The following ZNF714 variants were observed in gnomAD, a reference collection of about 807,000 sequenced individuals.
ZNF714 encodes zinc finger protein 714.
Under a neutral mutation model 46.2 loss-of-function variants are expected in ZNF714, and 32 were observed. The ratio of observed to expected loss-of-function variants is 0.69; its 90% CI spans 0.52 to 0.93. The LOEUF (loss-of-function observed/expected upper bound fraction) is 0.93. Ranked by LOEUF, ZNF714 falls within the 40% of genes least tolerant of loss-of-function variation. The pLI, the probability that ZNF714 is intolerant of heterozygous loss-of-function variation, is 0.00. For missense variants in ZNF714, 635 were observed against 646.3 expected (o/e 0.98, Z 0.19); for synonymous variants, 199 against 213.1 (o/e 0.93, Z 0.58).
At chr19:21,101,063 T>G in intron 4 of ZNF714, among the ~76,000 whole-genome samples, 1 of 152,324 alleles carries the variant, frequency 6.6e-6, no homozygotes, top group Admixed American at 6.5e-5. Context: ...AAGATCATAC[T>G]ATCCACAAAA....
chr19:21,114,464 G>GCAACCC (rs1969542714), intron 4 of ZNF714, among the ~76,000 whole-genome samples: 1 of 147,622 alleles, frequency 6.8e-6, no homozygotes, highest in Admixed American at 6.8e-5. Flanking sequence ...AACTATGATT[G>GCAACCC]CAACCCCTGC....
At position 21,119,004 on chromosome 19, in the gene ZNF714, A is replaced by T; in HGVS notation, c.*672A>T. ...TGTACTTGAGATAAATTATACAAAT[A>T]TAAAGACTGAAAAAGCCATTAATAT... On this transcript the variant is annotated 3_prime_UTR_variant, in exon 5 of 5. Transcript: ENST00000456283. 1 of 352,640 alleles carries T rather than the reference A, an allele frequency of 2.8e-6. No individual in the cohort carries two copies. The highest frequency in any genetic ancestry group is 5.5e-6 in the Non-Finnish European group (1 of 180,974). The allele number at this position is 352,640 out of a possible 1,614,324, so 21.8% of individuals were successfully genotyped here. A position where few individuals can be genotyped will look rare whatever the true frequency, so the allele number is the denominator to read the frequency against.
rs1373331351 is a variant in ZNF714, at chr19:21,118,263, C to T, written c.1599C>T (p.Gly533=). The T allele has an allele frequency of 1.4e-6, 2 of 1,428,628 alleles. No homozygotes were observed. Among genetic ancestry groups the T allele is most frequent in the Non-Finnish European group, 1.9e-6 (2 of 1,040,920 alleles). 88.5% of individuals were successfully genotyped at this position (1,428,628 alleles called of 1,614,324 possible). ...IARSGVQDQP[G]QHGKTPSLLK... is the part of the protein sequence containing the mutation. ...GGTCAGGAGTTCAAGACCAGCCTGG[C>T]CAACATGGTAAAACCCCATCTCTAC... is the stretch of plus-strand genomic sequence containing the variant. Residue 533 remains glycine (G), a synonymous_variant, in exon 5 of 5, where the codon GGC becomes GGT. Transcript: ENST00000456283.
chr19:21,104,640 A>C (rs1005875458), intron 4 of ZNF714, among the ~76,000 whole-genome samples: 47 of 151,772 alleles, frequency 3.1e-4, no homozygotes, highest in African/African-American at 1.1e-3. Context: ...ATTGTGATGA[A>C]GTCTTACTGT....
chr19:21,098,365 CT>C (rs558711559), intron 3 of ZNF714, 54 bp downstream of exon 3: 1 of 1,571,728 alleles, frequency 6.4e-7, no homozygotes, highest in Non-Finnish European at 8.6e-7. Flanking sequence ...TTTTATGTCT[CT>C]TTTTTTGTAG....
chr19:21,109,838 T>C (rs1969410030), intron 4 of ZNF714, among the ~76,000 whole-genome samples: 2 of 152,148 alleles, frequency 1.3e-5, no homozygotes, highest in Admixed American at 6.6e-5. Flanking sequence ...AGTGAGAACA[T>C]GTCGTGTTTG....
In ZNF714 at chr19:21,122,783, C is replaced by CA. The variant is rs1421645929; in HGVS notation, c.*4455dup. On this transcript the variant is annotated 3_prime_UTR_variant, in exon 5 of 5. Coordinates refer to ENST00000456283, the MANE Select transcript of ZNF714 (RefSeq NM_182515.4). ...CCTGGTATTTTGTAGATTTTGATGA[C>CA]AAAATTCTATTTTTAGTGCACTTAA... is the stretch of plus-strand genomic sequence containing the variant. The CA allele has an allele frequency of 3.3e-5, 5 of 152,028 alleles. 1 individual carries two copies. The highest frequency in any genetic ancestry group is 3.3e-4 in the Admixed American group (5 of 15,258). 9.4% of individuals were successfully genotyped at this position (152,028 alleles called of 1,614,324 possible). A position where few individuals can be genotyped will look rare whatever the true frequency, so the allele number is the denominator to read the frequency against.
At chr19:21,095,969 A>G (rs1969028840) in intron 2 of ZNF714, among the ~76,000 whole-genome samples, 1 of 152,154 alleles carries the variant, frequency 6.6e-6, no homozygotes, top group Non-Finnish European at 1.5e-5. Flanking sequence ...ATATGACTCT[A>G]TGGTGAGGCC....
At chr19:21,101,162 A>C (rs1013811892) in intron 4 of ZNF714, among the ~76,000 whole-genome samples, 5 of 152,200 alleles carry the variant, frequency 3.3e-5, no homozygotes, top group Non-Finnish European at 5.9e-5. Flanking sequence ...TCAGTGCTTC[A>C]TTAAAATAGA....
At chr19:21,088,785 G>A (rs1168947584) in intron 2 of ZNF714, among the ~76,000 whole-genome samples, 1 of 152,122 alleles carries the variant, frequency 6.6e-6, no homozygotes, top group African/African-American at 2.4e-5. Context: ...ACTAGCCCAC[G>A]ACCAGGAAAG....
intron 2 of ZNF714, among the ~76,000 whole-genome samples, chr19:21,085,881 T>TAA (rs34378470): frequency 0.053 from 7,718 of 145,368 alleles, 377 homozygotes; most frequent in African/African-American, 0.14. Context: ...TAGGTTTATG[T>TAA]AAAAAAAAAA....
chr19:21,105,769 A>G (rs1386028058), intron 4 of ZNF714, among the ~76,000 whole-genome samples: 2 of 152,114 alleles, frequency 1.3e-5, no homozygotes, highest in Non-Finnish European at 2.9e-5. Flanking sequence ...AGCCTGGCCA[A>G]CATGGTAAAA....
Position 21,118,036 on chromosome 19 carries a change from T to C in ZNF714, c.1372T>C (p.Cys458Arg). 6.2e-7 allele frequency: 1 copy of C among 1,613,892 alleles called. No homozygotes were observed. The highest frequency in any genetic ancestry group is 8.5e-7 in the Non-Finnish European group (1 of 1,179,992). ...AGAGAAACCCTACAAATGTGAAGAA[T>C]GTGGCAAAGCTTTCAACCGATCCTC... is the stretch of plus-strand genomic sequence containing the variant. ...TGEKPYKCEE[C>R]GKAFNRSSNL... is the part of the protein sequence containing the mutation. Residue 458 changes from cysteine (C) to arginine (R), a missense_variant, in exon 5 of 5, where the codon TGT (cysteine) becomes CGT (arginine). Coordinates refer to ENST00000456283, the MANE Select transcript of ZNF714 (RefSeq NM_182515.4).
chr19:21,094,499 T>A (rs1157365787), intron 2 of ZNF714, among the ~76,000 whole-genome samples: 1 of 152,188 alleles, frequency 6.6e-6, no homozygotes, highest in African/African-American at 2.4e-5. Context: ...TGTATAAACA[T>A]TCCATTTTCT....
intron 4 of ZNF714, among the ~76,000 whole-genome samples, chr19:21,107,920 G>A (rs1969360882): frequency 6.6e-6 from 1 of 152,012 alleles, no homozygotes. Flanking sequence ...TATGATTTTG[G>A]TCTTCTTATT....
chr19:21,097,649 T>C (rs77432127), intron 2 of ZNF714, among the ~76,000 whole-genome samples: 1,900 of 152,160 alleles, frequency 0.012, 14 homozygotes, highest in African/African-American at 0.018. Flanking sequence ...ACCAAAAAAG[T>C]TGGGAAAAAC....
At chr19:21,086,449 A>G (rs1968781205) in intron 2 of ZNF714, among the ~76,000 whole-genome samples, 1 of 152,212 alleles carries the variant, frequency 6.6e-6, no homozygotes, top group Admixed American at 6.5e-5. Flanking sequence ...TATGCTAAAC[A>G]AGGGGTGGAT....
rs545477670 is a variant in ZNF714 at position 21,110,894 on chromosome 19, G to A, written c.143-5913G>A. The stretch of plus-strand genomic sequence containing the variant: ...CAGGTTTTTCAAAGATCAGATGGTT[G>A]TAGATATGCAGTCTTAGATTTCTGA... On this transcript the variant is annotated intron_variant, in intron 4 of 4. Transcript: ENST00000456283. Among the ~76,000 whole-genome samples, 14 of 152,250 alleles carry A rather than the reference G, an allele frequency of 9.2e-5. No individual in the cohort carries two copies. In the South Asian group the frequency reaches 2.9e-3, roughly 32 times the overall value.
At chr19:21,095,577 C>T (rs1487348653) in intron 2 of ZNF714, among the ~76,000 whole-genome samples, 3 of 152,046 alleles carry the variant, frequency 2.0e-5, no homozygotes, top group Admixed American at 6.6e-5. Flanking sequence ...ATTCTCCTGC[C>T]TCAGCCTCCC....
Sources: allele counts gnomAD v4.1 joint callset (sites outside exome capture counted in the v4.1 genomes callset), GRCh38; gene constraint gnomAD v4.1.1; transcripts MANE v1.5; gene names NCBI Gene and HGNC (gene_info 2026-07-23, HGNC 2026-07-21).